SEMA3A: variants seen among roughly 807,000 people sequenced by gnomAD.
SEMA3A encodes semaphorin-3A.
A neutral mutation model predicts 97.9 loss-of-function variants in SEMA3A; 29 were observed. The ratio of observed to expected loss-of-function variants is 0.30; its 90% confidence interval spans 0.22 to 0.40. SEMA3A has a LOEUF of 0.40. Among genes scored for constraint, SEMA3A ranks in the 10% least tolerant of loss-of-function variants. The pLI, the probability that SEMA3A is intolerant of heterozygous loss-of-function variation, is 1.00. For synonymous variants in SEMA3A, 321 were observed against 323.7 expected, an observed-to-expected ratio of 0.99 and a Z score of 0.09; for missense variants, 763 against 951.3, an observed-to-expected ratio of 0.80 and a Z score of 2.60.
At chr7:84,431,458 A>G (rs1395420552) in intron 1 of SEMA3A, among the ~76,000 whole-genome samples, 1 of 151,986 alleles carries the variant, frequency 6.6e-6, no homozygotes, top group Non-Finnish European at 1.5e-5. Context: ...CCAAGCTTAG[A>G]ATATAACTAG....
At position 84,246,472 on chromosome 7, in the gene SEMA3A, TAA is replaced by T. The variant is rs1408771479; in HGVS notation, c.-82-51806_-82-51805del. Among the ~76,000 whole-genome samples the T allele has an allele frequency of 3.3e-5, 5 of 152,194 alleles. No homozygotes were observed. The East Asian group carries it at 9.7e-4, about 29-fold the overall frequency. ...AAAAAGGATTAATAATTTCAATATA[TAA>T]AAAATGACTAACACCCCCAAATTAA... On this transcript the variant is annotated intron_variant, in intron 3 of 3. Transcript: ENST00000424555.
chr7:84,303,969 T>C (rs1444680117), intron 3 of SEMA3A, among the ~76,000 whole-genome samples: 1 of 152,134 alleles, frequency 6.6e-6, no homozygotes, highest in Non-Finnish European at 1.5e-5. Context: ...TCTAGAGAAT[T>C]TTAAATGCTC....
intron 12 of SEMA3A, among the ~76,000 whole-genome samples, chr7:83,996,633 C>CT (rs1039617630): frequency 4.6e-5 from 7 of 152,082 alleles, no homozygotes; most frequent in African/African-American, 1.7e-4. Flanking sequence ...AAACAAAACA[C>CT]TTTTTAAAAG....
At chr7:84,336,666 T>C (rs1372489923) in intron 2 of SEMA3A, among the ~76,000 whole-genome samples, 2 of 152,138 alleles carry the variant, frequency 1.3e-5, no homozygotes, top group East Asian at 3.9e-4. Flanking sequence ...AATGCCTTGT[T>C]ATCAGTACAG....
chr7:84,005,277 C>A, intron 11 of SEMA3A, 62 bp downstream of exon 11: 1 of 1,200,690 alleles, frequency 8.3e-7, no homozygotes, highest in Non-Finnish European at 1.2e-6. Flanking sequence ...GTTCAAAGAT[C>A]AACTTAATCA....
chr7:84,275,677 C>T (rs981706955), intron 3 of SEMA3A, among the ~76,000 whole-genome samples: 30 of 151,898 alleles, frequency 2.0e-4, no homozygotes, highest in Non-Finnish European at 2.1e-4. Flanking sequence ...AATCCTAGCC[C>T]TGTGCTCTTT....
At position 84,242,815 on chromosome 7, in the gene SEMA3A, A is replaced by G. The variant is rs144068120; in HGVS notation, c.-82-48147T>C. 0.013 allele frequency among the ~76,000 whole-genome samples: 1,943 copies of G among 152,200 alleles called. 63 individuals are homozygous for G. In the East Asian group the frequency reaches 0.15, roughly 11 times the overall value. On this transcript the variant is annotated intron_variant, in intron 3 of 3. Transcript: ENST00000424555. ...TTATTTTGAGATATGTTCTATCAAT[A>G]CCTAGTTTATTGAGAGTTTTTAGCC...
chr7:84,253,564 T>C (rs983264194), intron 3 of SEMA3A, among the ~76,000 whole-genome samples: 1 of 152,204 alleles, frequency 6.6e-6, no homozygotes, highest in African/African-American at 2.4e-5. Flanking sequence ...ATGTATTCCA[T>C]ATATATGCAT....
At chr7:84,038,139 A>G (rs1388973502) in intron 6 of SEMA3A, among the ~76,000 whole-genome samples, 1 of 152,146 alleles carries the variant, frequency 6.6e-6, no homozygotes, top group African/African-American at 2.4e-5. Context: ...TTATGGAAGC[A>G]GAGTCGATTT....
intron 5 of SEMA3A, among the ~76,000 whole-genome samples, chr7:84,055,059 G>A (rs12055964): frequency 0.042 from 6,437 of 151,888 alleles, 191 homozygotes; most frequent in East Asian, 0.13. Context: ...CAGTCTGCCC[G>A]TTCTCAGATC....
chr7:84,280,677 G>A (rs533388720), intron 3 of SEMA3A, among the ~76,000 whole-genome samples: 1 of 152,130 alleles, frequency 6.6e-6, no homozygotes, highest in African/African-American at 2.4e-5. Context: ...CTAGGTACAG[G>A]GGAGGCTGAG....
chr7:84,140,193 T>C (rs985727453), intron 1 of SEMA3A, among the ~76,000 whole-genome samples: 2 of 152,100 alleles, frequency 1.3e-5, no homozygotes, highest in Non-Finnish European at 2.9e-5. Flanking sequence ...CACCCCTACA[T>C]ACCAAGACTG....
At chr7:84,265,023 G>A (rs1196168640) in intron 3 of SEMA3A, among the ~76,000 whole-genome samples, 1 of 152,006 alleles carries the variant, frequency 6.6e-6, no homozygotes, top group Non-Finnish European at 1.5e-5. Flanking sequence ...ACTACCAATA[G>A]CACCCACTTC....
intron 3 of SEMA3A, among the ~76,000 whole-genome samples, chr7:84,211,002 T>A (rs767442170): frequency 2.0e-5 from 3 of 152,180 alleles, no homozygotes; most frequent in Non-Finnish European, 2.9e-5. Context: ...GAACAAAAAC[T>A]TTTTGTTCAT....
chr7:83,984,608 C>CTTTTTTTTTTT (rs371082897), intron 13 of SEMA3A, among the ~76,000 whole-genome samples: 7 of 98,886 alleles, frequency 7.1e-5, no homozygotes, highest in Non-Finnish European at 9.7e-5. Context: ...GATTTTTCTG[C>CTTTTTTTTTTT]TTTTTTTTTT....
intron 1 of SEMA3A, among the ~76,000 whole-genome samples, chr7:84,407,156 C>T (rs1163936290): frequency 2.0e-5 from 3 of 152,296 alleles, no homozygotes; most frequent in Non-Finnish European, 2.9e-5. Context: ...AAAACCCCAT[C>T]ATCTCAGCCC....
intron 1 of SEMA3A, among the ~76,000 whole-genome samples, chr7:84,164,962 C>T (rs1351420862): frequency 6.6e-6 from 1 of 152,290 alleles, no homozygotes; most frequent in African/African-American, 2.4e-5. Context: ...AAAACCAACA[C>T]TTTGGGAGGC....
chr7:84,262,450 G>T (rs1383629016), intron 3 of SEMA3A, among the ~76,000 whole-genome samples: 1 of 152,102 alleles, frequency 6.6e-6, no homozygotes, highest in Non-Finnish European at 1.5e-5. Context: ...CCTGACCTCA[G>T]GTGATCTAAC....
intron 3 of SEMA3A, among the ~76,000 whole-genome samples, chr7:84,211,368 T>C (rs1039948325): frequency 2.0e-5 from 3 of 151,962 alleles, no homozygotes; most frequent in East Asian, 3.9e-4. Flanking sequence ...CCCAGCACTT[T>C]GGGAGGCCAA....
Sources: allele counts gnomAD v4.1 joint callset (sites outside exome capture counted in the v4.1 genomes callset), GRCh38; gene constraint gnomAD v4.1.1; transcripts MANE v1.5; gene names NCBI Gene and HGNC (gene_info 2026-07-23, HGNC 2026-07-21).